Variants in STPG1 observed in about 807,000 individuals in gnomAD.
STPG1 encodes the protein O(6)-methylguanine-induced apoptosis 2.
STPG1 carries 33 observed loss-of-function variants against 40.1 expected under a neutral mutation model. The observed-to-expected ratio is 0.82, with a 90% CI of 0.62 to 1.10. The LOEUF is 1.10. STPG1 is among the 50% of genes least tolerant of loss of function. The pLI, the probability that STPG1 is intolerant of heterozygous loss-of-function variation, is 0.00. For synonymous variants in STPG1, 150 were observed against 155.0 expected, an observed-to-expected ratio of 0.97 and a Z score of 0.24; for missense variants, 396 against 415.1, an observed-to-expected ratio of 0.95 and a Z score of 0.40.
At chr1:24,364,335 C>T (rs1488530253) in intron 7 of STPG1, 8 of 1,548,696 alleles carry the variant, frequency 5.2e-6, no homozygotes, top group African/African-American at 1.4e-5. Flanking sequence ...GCCCCACCAC[C>T]GTCAACAGCC....
chr1:24,387,142 A>T (rs1363406252), intron 3 of STPG1, among the ~76,000 whole-genome samples: 3 of 152,166 alleles, frequency 2.0e-5, no homozygotes, highest in Non-Finnish European at 4.4e-5. Flanking sequence ...CCTGCGTGGG[A>T]TGGGGGCAAA....
chr1:24,375,372 A>T (rs1641973640), intron 5 of STPG1, among the ~76,000 whole-genome samples: 1 of 152,114 alleles, frequency 6.6e-6, no homozygotes, highest in South Asian at 2.1e-4. Flanking sequence ...ATTTGCTGTG[A>T]TACTCCTTTG....
Position 24,359,753 on chromosome 1 carries a change from A to T in STPG1, c.928+1098T>A, listed in dbSNP as rs1640972103. Among the ~76,000 whole-genome samples the T allele has an allele frequency of 1.3e-5, 2 of 152,156 alleles. No individual in the cohort carries two copies. On this transcript the variant is annotated intron_variant, in intron 8 of 8. Coordinates refer to ENST00000337248, the MANE Select transcript of STPG1 (RefSeq NM_001199013.2). This position sits in a 1 kb window ranked among gnomAD's most constrained non-coding sequence, Gnocchi z 5.3. ...TTCATCCTCCCATGCCACCTGCCACACATGTCAGTCCCCAGTGCCACCAGC... is the reference window on the plus strand; with the variant it reads ...TTCATCCTCCCATGCCACCTGCCACTCATGTCAGTCCCCAGTGCCACCAGC...
At chr1:24,375,849 G>C (rs921623635) in intron 5 of STPG1, among the ~76,000 whole-genome samples, 1 of 152,114 alleles carries the variant, frequency 6.6e-6, no homozygotes, top group African/African-American at 2.4e-5. Flanking sequence ...GTCGCTGGAA[G>C]ATTTCCCCAT....
chr1:24,363,231 C>T (rs1641237047), intron 7 of STPG1, among the ~76,000 whole-genome samples: 1 of 152,192 alleles, frequency 6.6e-6, no homozygotes, highest in South Asian at 2.1e-4. Context: ...GTGTTCTTGG[C>T]AAGATGGGTT....
rs75242137 is a variant in STPG1 at position 24,369,176 on chromosome 1, G to A, written c.737+498C>T. ...GCAGGTATCACCAACTCGAAAGTCA[G>A]GGCTTAAACTTCCATCGGTATAAAG... On this transcript the variant is annotated intron_variant, in intron 7 of 8. Coordinates refer to ENST00000337248, the MANE Select transcript of STPG1 (RefSeq NM_001199013.2). 612 of 364,380 alleles carry A rather than the reference G, an allele frequency of 1.7e-3. 7 individuals carry two copies. The highest frequency in any genetic ancestry group is 0.012 in the African/African-American group (547 of 46,784). 22.6% of individuals were successfully genotyped at this position (364,380 alleles called of 1,614,324 possible).
intron 3 of STPG1, among the ~76,000 whole-genome samples, chr1:24,390,265 G>T (rs1642703527): frequency 6.6e-6 from 1 of 152,224 alleles, no homozygotes. Flanking sequence ...GCTGGTGAGA[G>T]AGGAGAAAGT....
At chr1:24,381,561 CCTG>C (rs1384698924) in intron 4 of STPG1, among the ~76,000 whole-genome samples, 1 of 152,202 alleles carries the variant, frequency 6.6e-6, no homozygotes, top group Admixed American at 6.5e-5. Flanking sequence ...CCTAGTCAGT[CCTG>C]TGGAAGATTC....
intron 5 of STPG1, among the ~76,000 whole-genome samples, chr1:24,376,283 A>C (rs531338359): frequency 3.3e-5 from 5 of 152,258 alleles, no homozygotes; most frequent in South Asian, 2.1e-4. Context: ...GGCCTCCCAA[A>C]GTGCTGGGAT....
chr1:24,394,597 G>A (rs1414588112), intron 2 of STPG1, among the ~76,000 whole-genome samples: 2 of 152,110 alleles, frequency 1.3e-5, no homozygotes, highest in Admixed American at 6.5e-5. Context: ...CAAGAAGCCA[G>A]AGAAAAGACT....
intron 1 of STPG1, among the ~76,000 whole-genome samples, chr1:24,404,855 T>C (rs564080011): frequency 6.6e-6 from 1 of 152,236 alleles, no homozygotes; most frequent in South Asian, 2.1e-4. Context: ...CAGCATGTGG[T>C]TTTATTGATA....
At chr1:24,372,304 T>C (rs750637436) in intron 6 of STPG1, among the ~76,000 whole-genome samples, 1 of 152,208 alleles carries the variant, frequency 6.6e-6, no homozygotes, top group African/African-American at 2.4e-5. Context: ...GCTCACACTT[T>C]CTGAGCCCAT....
chr1:24,369,726 C>G lies in STPG1; in HGVS notation c.685G>C (p.Gly229Arg). The G allele has an allele frequency of 6.2e-7, 1 of 1,611,186 alleles. No homozygotes were observed. The highest frequency in any genetic ancestry group is 1.1e-5 in the South Asian group (1 of 90,762). ...LKLTSTGPGP[G>R]YYNPSDCTKV... ...GTGCAATCACTGGGGTTGTAATAAC[C>G]AGGTCCCGGGCCTGTTGACGTCAGT... Residue 229 changes from glycine (G) to arginine (R), a missense_variant, in exon 7 of 9, where the codon GGT (glycine) becomes CGT (arginine). Transcript: ENST00000337248.
At chr1:24,390,356 T>C (rs1326734229) in intron 3 of STPG1, among the ~76,000 whole-genome samples, 1 of 152,082 alleles carries the variant, frequency 6.6e-6, no homozygotes, top group Non-Finnish European at 1.5e-5. Flanking sequence ...GGAAAAGAGA[T>C]GCGGCAAGAT....
intron 7 of STPG1, among the ~76,000 whole-genome samples, chr1:24,367,649 G>A (rs1343845848): frequency 6.6e-6 from 1 of 152,116 alleles, no homozygotes; most frequent in Non-Finnish European, 1.5e-5. Context: ...CTCCTGAGTA[G>A]CTGGGATTAC....
chr1:24,376,514 C>T (rs2148692387), intron 5 of STPG1, among the ~76,000 whole-genome samples: 1 of 152,322 alleles, frequency 6.6e-6, no homozygotes, highest in South Asian at 2.1e-4. Flanking sequence ...GGACACAATT[C>T]TATCTTGGGA....
intron 4 of STPG1, among the ~76,000 whole-genome samples, chr1:24,380,308 C>T (rs1642226504): frequency 6.6e-6 from 1 of 152,152 alleles, no homozygotes; most frequent in Non-Finnish European, 1.5e-5. Context: ...TGCCTCCTAC[C>T]CTCCACCAAA....
intron 2 of STPG1, among the ~76,000 whole-genome samples, chr1:24,397,077 T>G (rs149567541): frequency 1.6e-3 from 247 of 152,182 alleles, no homozygotes; most frequent in Admixed American, 0.01. Flanking sequence ...TTACCTGCAA[T>G]AAAGAGGGTC....
intron 5 of STPG1, among the ~76,000 whole-genome samples, chr1:24,376,558 C>G (rs1251553598): frequency 2.6e-5 from 4 of 152,198 alleles, no homozygotes; most frequent in African/African-American, 9.7e-5. Flanking sequence ...CTGCATACTA[C>G]TGGAAAGTTA....
Sources: allele counts gnomAD v4.1 joint callset (sites outside exome capture counted in the v4.1 genomes callset), GRCh38; gene constraint gnomAD v4.1.1; non-coding constraint Gnocchi (gnomAD v3.1); transcripts MANE v1.5; gene names NCBI Gene and HGNC (gene_info 2026-07-23, HGNC 2026-07-21).